PRKCE: variants seen among roughly 807,000 people sequenced by gnomAD.
PRKCE encodes the protein protein kinase C epsilon type.
In PRKCE, 16 loss-of-function variants were observed where a neutral mutation model predicts 85.4. The observed-to-expected ratio is 0.19, with a 90% CI of 0.13 to 0.28. PRKCE has a LOEUF of 0.28. Ranked by LOEUF, PRKCE falls within the 10% of genes least tolerant of loss-of-function variation. The pLI is 1.00. For missense variants in PRKCE, 573 were observed against 975.2 expected (o/e 0.59, Z 5.49); for synonymous variants, 388 against 371.5 (o/e 1.04, Z -0.51).
chr2:45,958,237 T>C (rs1349686972), intron 2 of PRKCE, among the ~76,000 whole-genome samples: 2 of 142,192 alleles, frequency 1.4e-5, no homozygotes, highest in South Asian at 2.2e-4. Context: ...GGGCCAGGCA[T>C]GGTGGCTCAC....
intron 11 of PRKCE, among the ~76,000 whole-genome samples, chr2:46,126,626 A>C (rs1398861620): frequency 6.6e-6 from 1 of 152,218 alleles, no homozygotes; most frequent in Non-Finnish European, 1.5e-5. Flanking sequence ...TCCCATTTGA[A>C]TATCAGATTA....
At chr2:45,879,317 C>G (rs1239171689) in intron 2 of PRKCE, among the ~76,000 whole-genome samples, 1 of 152,218 alleles carries the variant, frequency 6.6e-6, no homozygotes, top group Non-Finnish European at 1.5e-5. Context: ...CTTTCCCGCT[C>G]CCCTTCCTGC....
intron 6 of PRKCE, among the ~76,000 whole-genome samples, chr2:45,992,222 C>A (rs967094032): frequency 1.3e-5 from 2 of 152,164 alleles, no homozygotes; most frequent in African/African-American, 4.8e-5. Context: ...GCAGTAACAT[C>A]CACAATGCCT....
intron 3 of PRKCE, chr2:45,978,762 C>A (rs768513104): frequency 1.4e-5 from 7 of 517,260 alleles, no homozygotes; most frequent in East Asian, 3.3e-5. Flanking sequence ...GCTGACCAAA[C>A]CTTGCACCTC....
intron 8 of PRKCE, among the ~76,000 whole-genome samples, chr2:46,006,284 A>G (rs1005013064): frequency 7.2e-5 from 11 of 152,248 alleles, no homozygotes; most frequent in African/African-American, 2.4e-4. Flanking sequence ...AATTCATTTA[A>G]TAACTGAGGC....
intron 1 of PRKCE, among the ~76,000 whole-genome samples, chr2:45,775,695 CT>C (rs1283846412): frequency 2.6e-5 from 4 of 152,162 alleles, no homozygotes; most frequent in Non-Finnish European, 5.9e-5. Context: ...GGTCTCTCGG[CT>C]TCCACCCTTG....
chr2:46,079,478 A>G (rs1668863924), intron 10 of PRKCE, among the ~76,000 whole-genome samples: 2 of 152,194 alleles, frequency 1.3e-5, no homozygotes, highest in Admixed American at 6.5e-5. Context: ...GGCCCCCAGG[A>G]AAGACCTGTT....
intron 10 of PRKCE, among the ~76,000 whole-genome samples, chr2:46,017,189 C>G (rs1159364752): frequency 6.6e-6 from 1 of 152,128 alleles, no homozygotes; most frequent in South Asian, 2.1e-4. Context: ...CCCTGAAACT[C>G]AATACCCATT....
intron 1 of PRKCE, among the ~76,000 whole-genome samples, chr2:45,834,786 G>A (rs1391493754): frequency 6.6e-6 from 1 of 152,176 alleles, no homozygotes; most frequent in Non-Finnish European, 1.5e-5. Flanking sequence ...TCTACCATAT[G>A]ATGTACCATA....
intron 11 of PRKCE, among the ~76,000 whole-genome samples, chr2:46,136,338 C>T (rs3768738): frequency 0.38 from 57,699 of 152,052 alleles, 13,564 homozygotes; most frequent in East Asian, 0.79. Context: ...CGCGTGCTAA[C>T]GCTTTGCTAG....
chr2:46,089,378 T>C (rs1245610500), intron 11 of PRKCE, among the ~76,000 whole-genome samples: 1 of 152,146 alleles, frequency 6.6e-6, no homozygotes, highest in Non-Finnish European at 1.5e-5. Flanking sequence ...TTCCCAGCCT[T>C]CTCCCTTCTT....
intron 10 of PRKCE, among the ~76,000 whole-genome samples, chr2:46,022,909 C>T (rs1464470688): frequency 6.6e-6 from 1 of 151,280 alleles, no homozygotes; most frequent in Admixed American, 6.6e-5. Context: ...AGGTGAAATC[C>T]CGTCTCTACT....
Position 45,884,954 on chromosome 2 carries a change from CATATATATATATATATATAT to C in PRKCE, c.412+41920_412+41939del, listed in dbSNP as rs745477412. On this transcript the variant is annotated intron_variant, in intron 2 of 14. Coordinates refer to ENST00000306156, the MANE Select transcript of PRKCE (RefSeq NM_005400.3). The stretch of plus-strand genomic sequence containing the variant: ...TGCGTGTGATCTGTTATATGTGATC[CATATATATATATATATATAT>C]ATATATATATATATATATATATATA... 1.4e-3 allele frequency among the ~76,000 whole-genome samples: 51 copies of C among 37,568 alleles called. 1 individual carries two copies. Among genetic ancestry groups the C allele is most frequent in the African/African-American group, 1.8e-3 (14 of 7,602 alleles). The allele number at this position is 37,568 out of a possible 152,430, so 24.6% of individuals were successfully genotyped here.
rs1448075489 is a variant in PRKCE, at chr2:46,186,369, G to A, written c.*1488G>A. On this transcript the variant is annotated 3_prime_UTR_variant, in exon 15 of 15. Coordinates refer to ENST00000306156, the MANE Select transcript of PRKCE (RefSeq NM_005400.3). ...GGCACTAATGAAGCTTTTGCCTTTTGTACATTTGAGATTTTTGTATATAGT... is the reference window on the plus strand; with the variant it reads ...GGCACTAATGAAGCTTTTGCCTTTTATACATTTGAGATTTTTGTATATAGT... 6.6e-6 allele frequency: 1 copy of A among 152,542 alleles called. No individual in the cohort carries two copies. Among genetic ancestry groups the A allele is most frequent in the African/African-American group, 2.4e-5 (1 of 41,404 alleles). 9.4% of individuals were successfully genotyped at this position (152,542 alleles called of 1,614,324 possible).
intron 2 of PRKCE, among the ~76,000 whole-genome samples, chr2:45,843,338 T>G (rs1330321710): frequency 6.6e-6 from 1 of 152,174 alleles, no homozygotes; most frequent in Non-Finnish European, 1.5e-5. Flanking sequence ...CAGGCTTCAG[T>G]GGCAGGGCAG....
chr2:45,768,166 A>T (rs547631248), intron 1 of PRKCE, among the ~76,000 whole-genome samples: 125 of 152,384 alleles, frequency 8.2e-4, no homozygotes, highest in Non-Finnish European at 1.6e-3. Flanking sequence ...GATGTTTCCC[A>T]GTGGGTAGAT....
Position 45,762,064 on chromosome 2 carries a change from A to G in PRKCE, c.349-80936A>G, listed in dbSNP as rs1435282722. 2.6e-5 allele frequency among the ~76,000 whole-genome samples: 4 copies of G among 152,220 alleles called. No individual in the cohort carries two copies. In the East Asian group the frequency reaches 5.8e-4, roughly 22 times the overall value. ...TTCCCTTGGTTGGCGTGCACCATTC[A>G]GCCACTCTCTAGGGGAGTAGCTGCT... On this transcript the variant is annotated intron_variant, in intron 1 of 14. Coordinates refer to ENST00000306156, the MANE Select transcript of PRKCE (RefSeq NM_005400.3).
In PRKCE at chr2:46,157,764, C is replaced by T. The variant is rs370530653; in HGVS notation, c.1921-1842C>T. ...ACTTCCCCTCCCAGAAAAGGGAGGA[C>T]GGGAGGAGCTGAGGAAGTGAGGAAT... On this transcript the variant is annotated intron_variant, in intron 13 of 14. Transcript: ENST00000306156. Among the ~76,000 whole-genome samples, 67 of 152,278 alleles carry T rather than the reference C, an allele frequency of 4.4e-4. No homozygotes were observed. The South Asian group carries it at 0.013, about 31-fold the overall frequency.
rs1344657242 is a variant in PRKCE at position 46,159,132 on chromosome 2, G to GTCCTTAT, written c.1921-466_1921-460dup. 6.6e-6 allele frequency among the ~76,000 whole-genome samples: 1 copy of GTCCTTAT among 152,090 alleles called. No individual in the cohort carries two copies. The highest frequency in any genetic ancestry group is 1.5e-5 in the Non-Finnish European group (1 of 68,034). ...ATTAGTACATTTGATCATTTACCTG[G>GTCCTTAT]TCCTTATTCCTTATCTCAAAAAGGA... On this transcript the variant is annotated intron_variant, in intron 13 of 14. Transcript: ENST00000306156. This position sits in a 1 kb window ranked among gnomAD's most constrained non-coding sequence, Gnocchi z 4.1.
Sources: allele counts gnomAD v4.1 joint callset (sites outside exome capture counted in the v4.1 genomes callset), GRCh38; gene constraint gnomAD v4.1.1; non-coding constraint Gnocchi (gnomAD v3.1); transcripts MANE v1.5; gene names NCBI Gene and HGNC (gene_info 2026-07-23, HGNC 2026-07-21).